The following NCOR1 variants were observed in gnomAD, a reference collection of about 807,000 sequenced individuals.
NCOR1 encodes the protein nuclear receptor corepressor 1.
In NCOR1, 63 loss-of-function variants were observed where a neutral mutation model predicts 288.1. The ratio of observed to expected loss-of-function variants is 0.22; its 90% confidence interval spans 0.18 to 0.27. The LOEUF (loss-of-function observed/expected upper bound fraction) is 0.27. Ranked by LOEUF, NCOR1 falls within the 10% of genes least tolerant of loss-of-function variation. NCOR1 has a pLI of 1.00. For missense variants in NCOR1, 2,397 were observed against 3,019.2 expected (o/e 0.79, Z 4.83); for synonymous variants, 1,007 against 1,065.9 (o/e 0.94, Z 1.08).
At chr17:16,081,276 C>T (rs1228920212) in intron 23 of NCOR1, among the ~76,000 whole-genome samples, 2 of 143,174 alleles carry the variant, frequency 1.4e-5, no homozygotes, top group Non-Finnish European at 3.0e-5. Flanking sequence ...GGAGCAATCT[C>T]GGCTCACTGC....
chr17:16,030,916 A>G lies in NCOR1; in HGVS notation c.*1380T>C, dbSNP rs1971864190. On this transcript the variant is annotated 3_prime_UTR_variant, in exon 46 of 46. Transcript: ENST00000268712. ...CTACTTGAAAGTCTGTAAAGTGCTA[A>G]TTTTTATCATCCTGAGAGATCTGTT... 1.0e-5 allele frequency: 2 copies of G among 194,148 alleles called. No homozygotes were observed. Among genetic ancestry groups the G allele is most frequent in the South Asian group, 3.9e-4 (2 of 5,176 alleles). The allele number at this position is 194,148 out of a possible 1,614,324, so 12.0% of individuals were successfully genotyped here. A position where few individuals can be genotyped will look rare whatever the true frequency, so the allele number is the denominator to read the frequency against.
At chr17:16,147,061 A>G (rs1476309375) in intron 9 of NCOR1, among the ~76,000 whole-genome samples, 1 of 152,182 alleles carries the variant, frequency 6.6e-6, no homozygotes, top group Admixed American at 6.5e-5. Flanking sequence ...ATGCTATATA[A>G]CAAACATTTT....
chr17:16,158,640 A>T (rs1387736394), intron 6 of NCOR1, 120 bp downstream of exon 6: 2 of 560,408 alleles, frequency 3.6e-6, no homozygotes, highest in East Asian at 6.2e-5. Flanking sequence ...GAACATTCAA[A>T]ATTGTAAGAG....
rs548392900 is a variant in NCOR1, at chr17:16,168,113, A to T, written c.436-2952T>A. 7.5e-4 allele frequency among the ~76,000 whole-genome samples: 114 copies of T among 152,330 alleles called. 3 individuals are homozygous for T. The highest frequency in any genetic ancestry group is 2.6e-3 in the African/African-American group (110 of 41,570). ...TACTAACAAATAATAAGTGTAAGTT[A>T]AAAACAATCATTCATCAAATTAACA... On this transcript the variant is annotated intron_variant, in intron 4 of 45. Coordinates refer to ENST00000268712, the MANE Select transcript of NCOR1 (RefSeq NM_006311.4).
chr17:16,118,091 T>C (rs1168850226), intron 17 of NCOR1, 64 bp from the exon 18 acceptor site: 19 of 1,515,416 alleles, frequency 1.3e-5, no homozygotes, highest in African/African-American at 7.0e-5. Context: ...ACAAGAGAAA[T>C]AATAAATTAA....
chr17:16,170,706 G>A (rs570355275), intron 4 of NCOR1, among the ~76,000 whole-genome samples: 85 of 151,930 alleles, frequency 5.6e-4, no homozygotes, highest in African/African-American at 2.0e-3. Context: ...ATGGTGGTGC[G>A]TCCCTGTAAT....
chr17:16,054,950 G>A (rs942304603), intron 40 of NCOR1, among the ~76,000 whole-genome samples: 4 of 152,038 alleles, frequency 2.6e-5, no homozygotes, highest in African/African-American at 7.2e-5. Flanking sequence ...CAAAAAAAGA[G>A]TAAGTGCCAA....
chr17:16,145,037 T>C (rs1052564249), intron 10 of NCOR1, among the ~76,000 whole-genome samples: 2 of 152,214 alleles, frequency 1.3e-5, no homozygotes, highest in African/African-American at 2.4e-5. Flanking sequence ...GTGCCTGGGA[T>C]TGCAGGTGCA....
chr17:16,141,318 A>ATC (rs1346164391), intron 11 of NCOR1, among the ~76,000 whole-genome samples: 1 of 152,204 alleles, frequency 6.6e-6, no homozygotes, highest in East Asian at 1.9e-4. Context: ...TCACCTTGGA[A>ATC]TCCTCTCTTT....
At chr17:16,186,312 G>C (rs2086676876) in intron 3 of NCOR1, among the ~76,000 whole-genome samples, 1 of 152,116 alleles carries the variant, frequency 6.6e-6, no homozygotes, top group Non-Finnish European at 1.5e-5. Flanking sequence ...ACATAACCAA[G>C]GACACACAGG....
At chr17:16,164,115 C>T (rs546533471) in intron 5 of NCOR1, among the ~76,000 whole-genome samples, 1 of 151,956 alleles carries the variant, frequency 6.6e-6, no homozygotes, top group Non-Finnish European at 1.5e-5. Flanking sequence ...ACTTAAAGTG[C>T]CTATAGTCCC....
intron 15 of NCOR1, among the ~76,000 whole-genome samples, chr17:16,122,944 G>A (rs1297644430): frequency 1.3e-5 from 2 of 152,040 alleles, no homozygotes; most frequent in Non-Finnish European, 2.9e-5. Flanking sequence ...CCTTTCATAC[G>A]GGGATTTCCC....
chr17:16,052,595 T>C (rs1285732928), intron 40 of NCOR1, among the ~76,000 whole-genome samples: 1 of 152,030 alleles, frequency 6.6e-6, no homozygotes, highest in Admixed American at 6.6e-5. Flanking sequence ...TGCTCTGAAA[T>C]TGAGTCAGTA....
At chr17:16,159,785 G>C (rs1025680821) in intron 5 of NCOR1, among the ~76,000 whole-genome samples, 1 of 151,630 alleles carries the variant, frequency 6.6e-6, no homozygotes, top group South Asian at 2.1e-4. Flanking sequence ...TGAGCCTCAG[G>C]GTCACCCTTT....
chr17:16,188,262 T>A (rs183462013), intron 2 of NCOR1, among the ~76,000 whole-genome samples: 65 of 152,220 alleles, frequency 4.3e-4, no homozygotes, highest in African/African-American at 1.5e-3. Flanking sequence ...AAAAAATAAC[T>A]CATAGTCTAA....
At chr17:16,098,535 T>G in intron 20 of NCOR1, 39 bp from the exon 21 acceptor site, 1 of 1,563,304 alleles carries the variant, frequency 6.4e-7, no homozygotes, top group Non-Finnish European at 8.7e-7. Context: ...ATGAATACAT[T>G]TTTAAGACTC....
At chr17:16,058,294 T>C in intron 38 of NCOR1, 177 bp downstream of exon 38, 2 of 949,630 alleles carry the variant, frequency 2.1e-6, no homozygotes, top group Non-Finnish European at 3.0e-6. Flanking sequence ...TATAAACAAT[T>C]TTCTGTATCA....
At chr17:16,044,648 A>G (rs923150186) in intron 42 of NCOR1, 2 of 646,714 alleles carry the variant, frequency 3.1e-6, no homozygotes, top group Non-Finnish European at 5.9e-6. Context: ...GCTCGCCTGC[A>G]TCTACTCAGC....
chr17:16,137,710 G>T, intron 13 of NCOR1: 1 of 231,686 alleles, frequency 4.3e-6, no homozygotes, highest in Non-Finnish European at 8.2e-6. Context: ...TTACATACAT[G>T]CAAATTTTTA....
Sources: gnomAD v4.1 joint callset for allele counts (sites outside exome capture counted in the v4.1 genomes callset) on GRCh38, gnomAD v4.1.1 for gene constraint, MANE v1.5 for transcripts, NCBI Gene and HGNC (gene_info 2026-07-23, HGNC 2026-07-21) for gene names.